Variants in SOBP observed in about 807,000 individuals in gnomAD.
SOBP encodes sine oculis-binding protein homolog.
A neutral mutation model predicts 53.6 loss-of-function variants in SOBP; 4 were observed. The observed-to-expected ratio is 0.07, with a 90% CI of 0.04 to 0.17. The LOEUF is 0.17. SOBP is among the 10% of genes least tolerant of loss of function. The pLI, the probability that SOBP is intolerant of heterozygous loss-of-function variation, is 1.00. For missense variants in SOBP, 1,088 were observed against 1,204.7 expected, an observed-to-expected ratio of 0.90 and a Z score of 1.43; for synonymous variants, 584 against 522.6, an observed-to-expected ratio of 1.12 and a Z score of -1.60.
At chr6:107,641,900 G>A (rs111400280) in intron 6 of SOBP, among the ~76,000 whole-genome samples, 11 of 152,208 alleles carry the variant, frequency 7.2e-5, no homozygotes, top group Non-Finnish European at 1.3e-4. Context: ...CTAAGAGATC[G>A]TGCCAAAGGG....
chr6:107,550,982 G>A (rs1176812257), intron 4 of SOBP, among the ~76,000 whole-genome samples: 1 of 152,226 alleles, frequency 6.6e-6, no homozygotes, highest in Non-Finnish European at 1.5e-5. Flanking sequence ...GAATCTAACA[G>A]ACAGGGCTCA....
intron 5 of SOBP, among the ~76,000 whole-genome samples, chr6:107,603,457 G>A (rs1786258104): frequency 1.3e-5 from 2 of 152,200 alleles, no homozygotes; most frequent in African/African-American, 4.8e-5. Flanking sequence ...GTAAATAGTG[G>A]CCGCCACATA....
chr6:107,562,774 C>G (rs913141510), intron 4 of SOBP, among the ~76,000 whole-genome samples: 7 of 151,744 alleles, frequency 4.6e-5, no homozygotes, highest in African/African-American at 1.7e-4. Flanking sequence ...AAAAAGGAAA[C>G]TAAAATAACA....
chr6:107,622,235 C>T (rs1324005383), intron 5 of SOBP, among the ~76,000 whole-genome samples: 1 of 152,158 alleles, frequency 6.6e-6, no homozygotes, highest in East Asian at 1.9e-4. Flanking sequence ...GAGCAGGACC[C>T]AAAGTTGCAG....
intron 4 of SOBP, among the ~76,000 whole-genome samples, chr6:107,537,626 A>T (rs967975639): frequency 3.0e-4 from 46 of 152,084 alleles, no homozygotes; most frequent in East Asian, 1.2e-3. Flanking sequence ...TTGAAGACCA[A>T]CCTGAGCAAT....
At chr6:107,577,318 CTAT>C (rs1562627636) in intron 4 of SOBP, among the ~76,000 whole-genome samples, 1 of 152,254 alleles carries the variant, frequency 6.6e-6, no homozygotes, top group African/African-American at 2.4e-5. Context: ...ACTTCTGTCT[CTAT>C]TATTCCTAGG....
intron 4 of SOBP, among the ~76,000 whole-genome samples, chr6:107,543,200 A>G (rs1784201421): frequency 6.6e-6 from 1 of 152,130 alleles, no homozygotes; most frequent in Non-Finnish European, 1.5e-5. Flanking sequence ...GGGCAGGTTG[A>G]TTCAGCAGCA....
intron 4 of SOBP, among the ~76,000 whole-genome samples, chr6:107,564,470 A>G (rs960462092): frequency 1.3e-5 from 2 of 150,160 alleles, no homozygotes; most frequent in African/African-American, 4.9e-5. Context: ...AAGAAGGTTA[A>G]TCAAATCTCA....
Position 107,563,851 on chromosome 6 carries a change from TGAGACA to T in SOBP, c.574-23224_574-23219del, listed in dbSNP as rs1402527650. 4.1e-4 allele frequency among the ~76,000 whole-genome samples: 63 copies of T among 152,000 alleles called. 1 individual carries two copies. Among genetic ancestry groups the T allele is most frequent in the Admixed American group, 4.1e-3 (63 of 15,256 alleles). On this transcript the variant is annotated intron_variant, in intron 4 of 6. Coordinates refer to ENST00000317357, the MANE Select transcript of SOBP (RefSeq NM_018013.4). ...AAAGTACAGGGAGGCCCTCACAGCTTGAGACAGAGAGTGGACCAGCACCAGCTACTG... is the reference window on the plus strand; with the variant it reads ...AAAGTACAGGGAGGCCCTCACAGCTTGAGAGTGGACCAGCACCAGCTACTG...
chr6:107,551,314 G>T (rs1784452380), intron 4 of SOBP, among the ~76,000 whole-genome samples: 1 of 152,206 alleles, frequency 6.6e-6, no homozygotes, highest in Admixed American at 6.5e-5. Flanking sequence ...TCAGTGTTTA[G>T]TAAGTGTACA....
chr6:107,497,643 T>A (rs576208468), intron 1 of SOBP, among the ~76,000 whole-genome samples: 3 of 152,248 alleles, frequency 2.0e-5, no homozygotes, highest in Non-Finnish European at 4.4e-5. Context: ...ATACTAACCT[T>A]CCTTTTAAAA....
At chr6:107,627,694 A>T (rs1422229405) in intron 5 of SOBP, among the ~76,000 whole-genome samples, 1 of 152,244 alleles carries the variant, frequency 6.6e-6, no homozygotes. Flanking sequence ...AAACACCAGC[A>T]TGTTGGAATC....
intron 5 of SOBP, among the ~76,000 whole-genome samples, chr6:107,617,896 C>G (rs757603096): frequency 1.4e-5 from 2 of 143,652 alleles, no homozygotes; most frequent in Non-Finnish European, 3.0e-5. Context: ...GGCACGATCT[C>G]AGCTCACTGC....
At position 107,635,311 on chromosome 6, in the gene SOBP, A is replaced by G. The variant is rs375052698; in HGVS notation, c.2467A>G (p.Lys823Glu). Residue 823 changes from lysine (K) to glutamate (E), a missense_variant, in exon 6 of 7, where the codon AAG (lysine) becomes GAG (glutamate). This residue lies in a region of SOBP where 665 missense variants were observed against 629.7 expected (regional missense o/e 1.06). Coordinates refer to ENST00000317357, the MANE Select transcript of SOBP (RefSeq NM_018013.4). The surrounding 1 kb of genome is among the most constrained non-coding windows in gnomAD (Gnocchi z 4.5). ...TGCCTATGCTCTGCGGATGCTGCCCAAGACCGGCTGCGTGATCCAGCCTGT... is the reference window on the plus strand; with the variant it reads ...TGCCTATGCTCTGCGGATGCTGCCCGAGACCGGCTGCGTGATCCAGCCTGT... ...DHAYALRMLP[K>E]TGCVIQPVPK... 3.1e-6 allele frequency: 5 copies of G among 1,613,618 alleles called. No homozygotes were observed. Among genetic ancestry groups the G allele is most frequent in the East Asian group, 2.2e-5 (1 of 44,864 alleles).
chr6:107,638,319 T>C (rs1771148616), intron 6 of SOBP, among the ~76,000 whole-genome samples: 1 of 152,326 alleles, frequency 6.6e-6, no homozygotes, highest in African/African-American at 2.4e-5. Context: ...CAAGTGATTC[T>C]CCTGCCTCAG....
At chr6:107,545,106 G>C (rs990859535) in intron 4 of SOBP, among the ~76,000 whole-genome samples, 7 of 152,172 alleles carry the variant, frequency 4.6e-5, no homozygotes, top group Non-Finnish European at 7.3e-5. Flanking sequence ...AAAATGCACT[G>C]ATTTGAGAGA....
At chr6:107,511,785 C>T (rs1017702609) in intron 3 of SOBP, 16 of 152,214 alleles carry the variant, frequency 1.1e-4, no homozygotes, top group African/African-American at 3.6e-4. Context: ...ACAGCATTGA[C>T]CCTGCTCTGG....
intron 3 of SOBP, among the ~76,000 whole-genome samples, chr6:107,523,312 C>T (rs1198619429): frequency 6.6e-6 from 1 of 152,190 alleles, no homozygotes. Flanking sequence ...CAGAGAGTCT[C>T]TCAACCAATC....
intron 5 of SOBP, among the ~76,000 whole-genome samples, chr6:107,605,620 A>G (rs1235000673): frequency 6.6e-6 from 1 of 152,186 alleles, no homozygotes; most frequent in African/African-American, 2.4e-5. Context: ...CAGCATTCTG[A>G]TGTGACTCCC....
Sources: allele counts gnomAD v4.1 joint callset (sites outside exome capture counted in the v4.1 genomes callset), GRCh38; gene constraint gnomAD v4.1.1; regional missense constraint gnomAD v4.1.1; non-coding constraint Gnocchi (gnomAD v3.1); transcripts MANE v1.5; gene names NCBI Gene and HGNC (gene_info 2026-07-23, HGNC 2026-07-21).